Variants in ABI3BP observed in about 807,000 individuals in gnomAD.
ABI3BP encodes the protein ABI family member 3 binding protein.
In ABI3BP, 216 loss-of-function variants were observed where a neutral mutation model predicts 268.6. That is an observed-to-expected ratio of 0.80 (90% CI 0.72 to 0.90). ABI3BP has a LOEUF of 0.90. ABI3BP is among the 40% of genes least tolerant of loss of function. The pLI is 0.00. For synonymous variants in ABI3BP, 730 were observed against 730.0 expected (o/e 1.00, Z 0.00); for missense variants, 2,090 against 2,182.4 (o/e 0.96, Z 0.84).
At chr3:100,914,536 A>C (rs1175650797) in intron 2 of ABI3BP, 6 of 424,918 alleles carry the variant, frequency 1.4e-5, no homozygotes, top group Non-Finnish European at 1.4e-5. Context: ...GGGAGCTCAC[A>C]GCTCATGTTG....
chr3:100,818,645 C>G, intron 40 of ABI3BP, 64 bp from the exon 41 acceptor site: 1 of 1,255,694 alleles, frequency 8.0e-7, no homozygotes, highest in Non-Finnish European at 1.1e-6. Flanking sequence ...CATTATAATA[C>G]TGCTTCAATC....
intron 2 of ABI3BP, chr3:100,914,514 G>A: frequency 2.2e-6 from 1 of 449,446 alleles, no homozygotes; most frequent in Non-Finnish European, 4.5e-6. Flanking sequence ...ATGTTCACAG[G>A]CCTGTTCTGA....
chr3:100,813,927 A>G (rs1357394855), intron 44 of ABI3BP, among the ~76,000 whole-genome samples, 192 bp from the exon 45 acceptor site: 1 of 152,150 alleles, frequency 6.6e-6, no homozygotes, highest in African/African-American at 2.4e-5. Flanking sequence ...CAGTGGGCCA[A>G]TAATGATTCT....
chr3:100,898,149 C>T (rs1324051351), intron 4 of ABI3BP, among the ~76,000 whole-genome samples: 1 of 152,192 alleles, frequency 6.6e-6, no homozygotes, highest in African/African-American at 2.4e-5. Flanking sequence ...TCATTTCCAA[C>T]TTGCTTTTCC....
At chr3:100,852,003 A>G in intron 14 of ABI3BP, 63 bp from the exon 15 acceptor site, 2 of 1,388,968 alleles carry the variant, frequency 1.4e-6, no homozygotes, top group Non-Finnish European at 2.0e-6. Flanking sequence ...TGATTAATTT[A>G]GAAAGATTAC....
intron 2 of ABI3BP, among the ~76,000 whole-genome samples, chr3:100,922,361 G>A (rs968244210): frequency 8.5e-5 from 13 of 152,164 alleles, no homozygotes; most frequent in African/African-American, 2.9e-4. Flanking sequence ...GTGAGGTTGC[G>A]TGACAAAGGA....
chr3:100,991,382 G>C (rs1473024425), intron 1 of ABI3BP, among the ~76,000 whole-genome samples: 12 of 152,130 alleles, frequency 7.9e-5, no homozygotes, highest in African/African-American at 2.9e-4. Flanking sequence ...GATCTTCTAT[G>C]GAAAAGAGGA....
At chr3:100,959,054 C>T (rs1228504294) in intron 1 of ABI3BP, among the ~76,000 whole-genome samples, 3 of 152,072 alleles carry the variant, frequency 2.0e-5, no homozygotes, top group African/African-American at 7.2e-5. Context: ...GGTGAAGATC[C>T]GCTGCAGCCA....
intron 14 of ABI3BP, 29 bp downstream of exon 14, chr3:100,862,282 C>G (rs766536000): frequency 6.8e-7 from 1 of 1,469,318 alleles, no homozygotes; most frequent in Admixed American, 2.1e-5. Flanking sequence ...TTGTTATAAT[C>G]GATTTTTTTA....
At chr3:100,848,722 T>C in intron 18 of ABI3BP, 79 bp downstream of exon 18, 1 of 1,429,444 alleles carries the variant, frequency 7.0e-7, no homozygotes, top group Non-Finnish European at 9.8e-7. Context: ...CCACTGCACC[T>C]GGCTATCCTT....
chr3:100,815,795 G>A (rs1405853355), intron 44 of ABI3BP, 117 bp downstream of exon 44: 1 of 657,332 alleles, frequency 1.5e-6, no homozygotes, highest in Admixed American at 3.4e-5. Context: ...TTAAAATGAA[G>A]TGTAGAATGG....
chr3:100,929,558 C>T (rs1222199408), intron 1 of ABI3BP, among the ~76,000 whole-genome samples: 3 of 152,068 alleles, frequency 2.0e-5, no homozygotes, highest in Non-Finnish European at 4.4e-5. Flanking sequence ...ACAGACAAAT[C>T]TCATCTCAAC....
chr3:100,921,491 G>T (rs530065905), intron 2 of ABI3BP, among the ~76,000 whole-genome samples: 1 of 151,862 alleles, frequency 6.6e-6, no homozygotes, highest in Non-Finnish European at 1.5e-5. Context: ...TGTTAACCAG[G>T]AGTGAGAACA....
chr3:100,756,776 GT>G (rs66981610), intron 63 of ABI3BP, among the ~76,000 whole-genome samples: 36,797 of 130,526 alleles, frequency 0.28, 4,094 homozygotes, highest in East Asian at 0.4. Context: ...TACTTTTTGG[GT>G]TTTTTTTTTT....
At position 100,835,665 on chromosome 3, in the gene ABI3BP, C is replaced by T; in HGVS notation, c.2132-5G>A. 1 of 1,531,970 alleles carries T rather than the reference C, an allele frequency of 6.5e-7. No homozygotes were observed. The highest frequency in any genetic ancestry group is 1.2e-5 in the South Asian group (1 of 83,576). The allele number at this position is 1,531,970 out of a possible 1,614,324, so 94.9% of individuals were successfully genotyped here. ...GCTCAATGTCTGTGGTGGGAACTAA[C>T]CAAAAGCAATACAATAAACAATGGA... On this transcript the variant is annotated splice_region_variant and splice_polypyrimidine_tract_variant and intron_variant, in intron 27 of 67. Transcript: ENST00000471714.
intron 60 of ABI3BP, 118 bp from the exon 61 acceptor site, chr3:100,774,791 G>T: frequency 1.2e-6 from 1 of 823,606 alleles, no homozygotes; most frequent in Non-Finnish European, 1.8e-6. Context: ...TTGCAGTTTT[G>T]ATTTTTTAAA....
chr3:100,919,954 A>T (rs562160039), intron 2 of ABI3BP, among the ~76,000 whole-genome samples: 1 of 152,328 alleles, frequency 6.6e-6, no homozygotes, highest in South Asian at 2.1e-4. Context: ...GATACCCTTG[A>T]TAATTAAGAG....
intron 32 of ABI3BP, among the ~76,000 whole-genome samples, chr3:100,829,977 A>T (rs1326448491): frequency 6.0e-5 from 9 of 150,706 alleles, no homozygotes; most frequent in Non-Finnish European, 1.0e-4. Context: ...TATATTTGTG[A>T]TGGTACTTAC....
In ABI3BP at chr3:100,817,431, A is replaced by G. The variant is rs2098089215; in HGVS notation, c.3148+5T>C. The G allele has an allele frequency of 1.3e-6, 2 of 1,506,410 alleles. No homozygotes were observed. Among genetic ancestry groups the G allele is most frequent in the Admixed American group, 2.0e-5 (1 of 49,666 alleles). 93.3% of individuals were successfully genotyped at this position (1,506,410 alleles called of 1,614,324 possible). A position where few individuals can be genotyped will look rare whatever the true frequency, so the allele number is the denominator to read the frequency against. ...AAGTTATTCAGGAACACAGAATATCATTACCTAACGTTGTTTCTGGAAACT... is the reference window on the plus strand; with the variant it reads ...AAGTTATTCAGGAACACAGAATATCGTTACCTAACGTTGTTTCTGGAAACT... On this transcript the variant is annotated splice_donor_5th_base_variant and intron_variant, in intron 42 of 67. Transcript: ENST00000471714.
Sources: allele counts gnomAD v4.1 joint callset (sites outside exome capture counted in the v4.1 genomes callset), GRCh38; gene constraint gnomAD v4.1.1; transcripts MANE v1.5; gene names NCBI Gene and HGNC (gene_info 2026-07-23, HGNC 2026-07-21).